STAG1: variants seen among roughly 807,000 people sequenced by gnomAD.
STAG1 encodes the protein STAG1 cohesin complex component.
Under a neutral mutation model 170.9 loss-of-function variants are expected in STAG1, and 26 were observed. That is an observed-to-expected ratio of 0.15 (90% CI 0.11 to 0.21). STAG1 has a LOEUF of 0.21. Among genes scored for constraint, STAG1 ranks in the 10% least tolerant of loss-of-function variants. The probability of loss-of-function intolerance (pLI) is 1.00; values close to 1 mark genes in which losing one functional copy is unlikely to be tolerated. For missense variants in STAG1, 964 were observed against 1,509.5 expected (o/e 0.64, Z 5.99); for synonymous variants, 514 against 497.7 (o/e 1.03, Z -0.44).
rs545452376 is a variant in STAG1 at position 136,400,941 on chromosome 3, T to C, written c.2197-2112A>G. Among the ~76,000 whole-genome samples the C allele has an allele frequency of 6.6e-5, 10 of 152,316 alleles. No individual in the cohort carries two copies. The South Asian group carries it at 1.9e-3, about 28-fold the overall frequency. ...TTAATAGAAAACAACTGAATTTTCC[T>C]ATCTGCTTTGCATTGTTACAATACA... On this transcript the variant is annotated intron_variant, in intron 21 of 33. Coordinates refer to ENST00000383202, the MANE Select transcript of STAG1 (RefSeq NM_005862.3).
chr3:136,689,110 T>C (rs1942633029), intron 1 of STAG1, among the ~76,000 whole-genome samples: 1 of 152,116 alleles, frequency 6.6e-6, no homozygotes, highest in South Asian at 2.1e-4. Context: ...TCAAGGGGAG[T>C]TCCCCAAATG....
intron 1 of STAG1, among the ~76,000 whole-genome samples, chr3:136,672,162 C>T (rs1401549761): frequency 1.3e-5 from 2 of 152,226 alleles, no homozygotes; most frequent in Non-Finnish European, 2.9e-5. Context: ...GGCCAATACA[C>T]ATGCATCTGA....
intron 4 of STAG1, among the ~76,000 whole-genome samples, chr3:136,580,828 C>A (rs899993009): frequency 6.6e-6 from 1 of 152,072 alleles, no homozygotes; most frequent in Non-Finnish European, 1.5e-5. Flanking sequence ...CCACCGCACC[C>A]GGCCTCTTGT....
At chr3:136,511,528 T>G (rs976559247) in intron 7 of STAG1, among the ~76,000 whole-genome samples, 1 of 152,196 alleles carries the variant, frequency 6.6e-6, no homozygotes, top group Admixed American at 6.5e-5. Context: ...CCATTATCCT[T>G]AGCAAACTAA....
chr3:136,707,890 A>G (rs113157858), intron 1 of STAG1, among the ~76,000 whole-genome samples: 187 of 152,264 alleles, frequency 1.2e-3, no homozygotes, highest in African/African-American at 2.6e-3. Context: ...CCACCTCCCA[A>G]TATCACCACA....
chr3:136,484,457 T>A (rs1438233285), intron 9 of STAG1, among the ~76,000 whole-genome samples: 1 of 146,756 alleles, frequency 6.8e-6, no homozygotes, highest in African/African-American at 2.5e-5. Context: ...AGCTGCGTGC[T>A]GGGAGAACCA....
intron 5 of STAG1, among the ~76,000 whole-genome samples, chr3:136,544,812 A>C (rs908918548): frequency 3.3e-5 from 5 of 152,132 alleles, no homozygotes; most frequent in African/African-American, 1.2e-4. Flanking sequence ...CTTACCTCAA[A>C]TTACTGAAGT....
At chr3:136,390,354 T>C (rs1463957704) in intron 22 of STAG1, among the ~76,000 whole-genome samples, 3 of 152,204 alleles carry the variant, frequency 2.0e-5, no homozygotes, top group African/African-American at 4.8e-5. Context: ...TTGGTATGAA[T>C]AGACACCTAC....
chr3:136,479,079 T>A (rs1486052920), intron 9 of STAG1, among the ~76,000 whole-genome samples: 65 of 140,394 alleles, frequency 4.6e-4, no homozygotes, highest in South Asian at 1.3e-3. Context: ...TTTTTTTTAA[T>A]TTTTTTTTTT....
intron 4 of STAG1, among the ~76,000 whole-genome samples, chr3:136,574,602 A>C (rs531059223): frequency 6.6e-4 from 101 of 152,304 alleles, no homozygotes; most frequent in African/African-American, 2.4e-3. Flanking sequence ...GAAATATTTT[A>C]TAATAATAAA....
chr3:136,493,295 A>C (rs2090156117), intron 9 of STAG1, among the ~76,000 whole-genome samples: 1 of 152,086 alleles, frequency 6.6e-6, no homozygotes, highest in Non-Finnish European at 1.5e-5. Context: ...GTGAGCTGTG[A>C]TTGTGCAACT....
At chr3:136,435,647 A>T (rs1293812222) in intron 15 of STAG1, among the ~76,000 whole-genome samples, 1 of 152,004 alleles carries the variant, frequency 6.6e-6, no homozygotes, top group Non-Finnish European at 1.5e-5. Context: ...TCCTTCACAT[A>T]GATTCTATAC....
At chr3:136,473,823 C>T (rs2089681450) in intron 10 of STAG1, among the ~76,000 whole-genome samples, 186 bp from the exon 11 acceptor site, 1 of 151,392 alleles carries the variant, frequency 6.6e-6, no homozygotes, top group Non-Finnish European at 1.5e-5. Context: ...AAAAAATTCA[C>T]TGAAAAGACC....
At position 136,430,806 on chromosome 3, in the gene STAG1, GACACACACACACACACACACACACAC is replaced by G. The variant is rs35492621; in HGVS notation, c.1650+2724_1650+2749del. ...TAAGAGAAGGAAACAGACATAGACA[GACACACACACACACACACACACACAC>G]ACACACACACACACACACACAGCCT... On this transcript the variant is annotated intron_variant, in intron 16 of 33. Coordinates refer to ENST00000383202, the MANE Select transcript of STAG1 (RefSeq NM_005862.3). Among the ~76,000 whole-genome samples the G allele has an allele frequency of 6.1e-5, 8 of 131,104 alleles. No homozygotes were observed. The East Asian group carries it at 7.2e-4, about 12-fold the overall frequency. The allele number at this position is 131,104 out of a possible 152,430, so 86.0% of individuals were successfully genotyped here.
chr3:136,644,387 C>T (rs1940918822), intron 1 of STAG1, among the ~76,000 whole-genome samples: 1 of 152,144 alleles, frequency 6.6e-6, no homozygotes, highest in African/African-American at 2.4e-5. Context: ...GAGCACCATG[C>T]CTGCCAGCTG....
intron 31 of STAG1, 125 bp from the exon 32 acceptor site, chr3:136,340,730 C>T: frequency 1.6e-6 from 1 of 621,128 alleles, no homozygotes; most frequent in East Asian, 2.8e-5. Flanking sequence ...CTACAGACTA[C>T]ACAAATTAGA....
At chr3:136,715,003 A>AAT (rs1287298790) in intron 1 of STAG1, among the ~76,000 whole-genome samples, 43 of 111,810 alleles carry the variant, frequency 3.8e-4, no homozygotes, top group South Asian at 2.1e-3. Flanking sequence ...TTATATATAT[A>AAT]ATATATATAT....
intron 1 of STAG1, among the ~76,000 whole-genome samples, chr3:136,681,424 T>C (rs1327765745): frequency 3.3e-5 from 5 of 152,142 alleles, no homozygotes; most frequent in African/African-American, 1.2e-4. Context: ...CCTTATATGA[T>C]CAATCTGCCT....
chr3:136,578,188 A>G lies in STAG1; in HGVS notation c.298-9327T>C, dbSNP rs141573377. Among the ~76,000 whole-genome samples, 1,201 of 152,312 alleles carry G rather than the reference A, an allele frequency of 7.9e-3. 22 individuals are homozygous for G. Among genetic ancestry groups the G allele is most frequent in the Admixed American group, 0.044 (670 of 15,300 alleles). On this transcript the variant is annotated intron_variant, in intron 4 of 33. Coordinates refer to ENST00000383202, the MANE Select transcript of STAG1 (RefSeq NM_005862.3). ...ATGACTATGGGGAATGTGGTCATTAAGAGATTTCTATGGAGATGATGGGAT... is the reference window on the plus strand; with the variant it reads ...ATGACTATGGGGAATGTGGTCATTAGGAGATTTCTATGGAGATGATGGGAT...
Sources: gnomAD v4.1 joint callset for allele counts (sites outside exome capture counted in the v4.1 genomes callset) on GRCh38, gnomAD v4.1.1 for gene constraint, MANE v1.5 for transcripts, NCBI Gene and HGNC (gene_info 2026-07-23, HGNC 2026-07-21) for gene names.